The following OAS1 variants were observed in gnomAD, a reference collection of about 807,000 sequenced individuals.
The protein encoded by OAS1 is 2'-5'-oligoadenylate synthase 1.
Under a neutral mutation model 38.5 loss-of-function variants are expected in OAS1, and 24 were observed. The observed-to-expected ratio is 0.62, with a 90% CI of 0.45 to 0.88. OAS1 has a LOEUF of 0.88. Among genes scored for constraint, OAS1 ranks in the 40% least tolerant of loss-of-function variants. The pLI is 0.00. For synonymous variants in OAS1, 169 were observed against 193.9 expected, an observed-to-expected ratio of 0.87 and a Z score of 1.07; for missense variants, 482 against 493.9, an observed-to-expected ratio of 0.98 and a Z score of 0.23.
At chr12:112,917,988 C>T in intron 5 of OAS1, 1 of 1,289,060 alleles carries the variant, frequency 7.8e-7, no homozygotes, top group South Asian at 1.6e-5. Flanking sequence ...CTGTCCTAAG[C>T]CCTTTAATAT....
chr12:112,918,768 C>T, intron 5 of OAS1: 1 of 374,624 alleles, frequency 2.7e-6, no homozygotes, highest in Non-Finnish European at 5.5e-6. Context: ...AGACTCTGAG[C>T]AGCTGAGTGA....
chr12:112,918,787 G>A (rs1192751313), intron 5 of OAS1: 1 of 345,156 alleles, frequency 2.9e-6, no homozygotes, highest in Non-Finnish European at 5.9e-6. Flanking sequence ...GACTTGGGTT[G>A]TCACACAGCT....
At chr12:112,910,157 C>T (rs1347560160) in intron 2 of OAS1, among the ~76,000 whole-genome samples, 1 of 152,100 alleles carries the variant, frequency 6.6e-6, no homozygotes, top group Non-Finnish European at 1.5e-5. Context: ...CACTTGAAGT[C>T]AGGAATTCAA....
At chr12:112,911,307 A>T in intron 3 of OAS1, 72 bp downstream of exon 3, 1 of 1,255,554 alleles carries the variant, frequency 8.0e-7, no homozygotes, top group Non-Finnish European at 1.1e-6. Context: ...GGGAGGAGAG[A>T]AAGAAGGGAG....
chr12:112,919,803 G>A lies in OAS1; in HGVS notation c.*250G>A. ...CCCTGAGAGAGAACAGAGAGATTTA[G>A]ATAAGAGAATGAAATTCCAGCCTTG... On this transcript the variant is annotated 3_prime_UTR_variant, in exon 6 of 6. Coordinates refer to ENST00000202917, the MANE Select transcript of OAS1 (RefSeq NM_016816.4). 1 of 1,387,706 alleles carries A rather than the reference G, an allele frequency of 7.2e-7. No individual in the cohort carries two copies. Among genetic ancestry groups the A allele is most frequent in the Non-Finnish European group, 9.5e-7 (1 of 1,049,374 alleles). 86.0% of individuals were successfully genotyped at this position (1,387,706 alleles called of 1,614,324 possible). A position where few individuals can be genotyped will look rare whatever the true frequency, so the allele number is the denominator to read the frequency against.
intron 3 of OAS1, 53 bp downstream of exon 3, chr12:112,911,288 A>C: frequency 7.1e-6 from 5 of 706,736 alleles, no homozygotes; most frequent in Admixed American, 3.3e-5. Context: ...GGAGCAGAGG[A>C]GGGGTGGGGG....
intron 4 of OAS1, among the ~76,000 whole-genome samples, 177 bp from the exon 5 acceptor site, chr12:112,917,367 TCTC>T (rs945486309): frequency 6.6e-6 from 1 of 152,140 alleles, no homozygotes; most frequent in African/African-American, 2.4e-5. Flanking sequence ...CAAGGCTCCT[TCTC>T]CTCATGCTCA....
At chr12:112,911,293 TG>T in intron 3 of OAS1, 58 bp downstream of exon 3, 1 of 990,154 alleles carries the variant, frequency 1.0e-6, no homozygotes. Flanking sequence ...AGAGGAGGGG[TG>T]GGGGGAGGAG....
chr12:112,921,889 G>C (rs2043531647), downstream of OAS1, among the ~76,000 whole-genome samples: 7 of 152,146 alleles, frequency 4.6e-5, no homozygotes, highest in South Asian at 1.5e-3. Flanking sequence ...TTAACCCTCA[G>C]GCCAATGTCG....
At chr12:112,909,013 G>A (rs2136297164) in intron 2 of OAS1, 189 bp downstream of exon 2, 2 of 531,666 alleles carry the variant, frequency 3.8e-6, no homozygotes, top group South Asian at 4.6e-5. Flanking sequence ...CAGCAAATTG[G>A]CATAATGTGG....
At position 112,908,626 on chromosome 12, in the gene OAS1, C is replaced by G. The variant is rs150636851; in HGVS notation, c.271C>G (p.Gln91Glu). 934 of 1,614,196 alleles carry G rather than the reference C, an allele frequency of 5.8e-4. 8 individuals are homozygous for G. The African/African-American group carries it at 0.011, about 19-fold the overall frequency. Residue 91 changes from glutamine (Q) to glutamate (E), a missense_variant, in exon 2 of 6, where the codon CAG becomes GAG. Physicochemically the swap from Gln to Glu is conservative, Grantham distance 29. Transcript: ENST00000202917. ...FLSPLTTFQD[Q>E]LNRRGEFIQE... is the part of the protein sequence containing the mutation. Reference sequence around the variant, plus strand: ...CAGTCCTCTCACCACTTTTCAGGATCAGTTAAATCGCCGGGGAGAGTTCAT... The same window carrying G: ...CAGTCCTCTCACCACTTTTCAGGATGAGTTAAATCGCCGGGGAGAGTTCAT...
intron 4 of OAS1, 78 bp from the exon 5 acceptor site, chr12:112,917,469 T>C (rs2136320626): frequency 6.3e-7 from 1 of 1,579,192 alleles, no homozygotes; most frequent in Non-Finnish European, 8.6e-7. Flanking sequence ...GCTGCTATTT[T>C]GCTCTCCCAG....
In OAS1 at chr12:112,911,095, A is replaced by G; in HGVS notation, c.514A>G (p.Lys172Glu). The change falls in exon 3 of 6, where the codon AAG (lysine) becomes GAG (glutamate). Residue 172 changes from lysine (K) to glutamate (E), a missense_variant. Physicochemically the swap from Lys to Glu is moderately conservative, Grantham distance 56. Coordinates refer to ENST00000202917, the MANE Select transcript of OAS1 (RefSeq NM_016816.4). ...TAAACCTAACCCCCAAATCTATGTC[A>G]AGCTCATCGAGGAGTGCACCGACCT... is the stretch of plus-strand genomic sequence containing the variant. ...GYKPNPQIYVKLIEECTDLQK... is the reference protein window; with the variant it reads ...GYKPNPQIYVELIEECTDLQK... 1 of 1,614,004 alleles carries G rather than the reference A, an allele frequency of 6.2e-7. No homozygotes were observed. The highest frequency in any genetic ancestry group is 8.5e-7 in the Non-Finnish European group (1 of 1,179,968).
Position 112,907,024 on chromosome 12 carries a change from ACT to A in OAS1, c.-8_-7del. The A allele has an allele frequency of 6.2e-7, 1 of 1,613,790 alleles. No individual in the cohort carries two copies. Among genetic ancestry groups the A allele is most frequent in the Non-Finnish European group, 8.5e-7 (1 of 1,179,772 alleles). On this transcript the variant is annotated 5_prime_UTR_variant, in exon 1 of 6. Transcript: ENST00000202917. Reference sequence around the variant, plus strand: ...AGGTCTGGGAGGCAGTTCTGTTGCCACTCTCTCTCCTGTCAATGATGGATCTC... The same window carrying A: ...AGGTCTGGGAGGCAGTTCTGTTGCCACTCTCTCCTGTCAATGATGGATCTC...
rs113939885 is a variant in OAS1, at chr12:112,914,270, C to T, written c.655-2239C>T. On this transcript the variant is annotated intron_variant, in intron 3 of 5. Coordinates refer to ENST00000202917, the MANE Select transcript of OAS1 (RefSeq NM_016816.4). ...TTGCTGTGAATGCCATTATTTTGTT[C>T]CTTTTTATGGTTGAGTAGTATTCCA... Among the ~76,000 whole-genome samples, 1,468 of 152,150 alleles carry T rather than the reference C, an allele frequency of 9.6e-3. 28 individuals carry two copies. Among genetic ancestry groups the T allele is most frequent in the African/African-American group, 0.034 (1,400 of 41,482 alleles).
intron 6 of OAS1, among the ~76,000 whole-genome samples, chr12:112,929,492 TTC>T (rs1321459784): frequency 6.6e-6 from 1 of 152,228 alleles, no homozygotes; most frequent in Non-Finnish European, 1.5e-5. Context: ...TTGTTGCATA[TTC>T]TGTTTGGTTC....
At position 112,917,569 on chromosome 12, in the gene OAS1, G is replaced by C. The variant is rs746031446; in HGVS notation, c.907G>C (p.Asp303His). Residue 303 changes from aspartate to histidine, a missense_variant, in exon 5 of 6, where the codon GAC (aspartate) becomes CAC (histidine). By Grantham distance (81) the Asp-to-His change is moderately conservative. Transcript: ENST00000202917. ...KPRPVILDPA[D>H]PTGNLGGGDP... ...CAGGCCTGTGATCCTGGACCCGGCGGACCCTACAGGAAACTTGGGTGGTGG... is the reference window on the plus strand; with the variant it reads ...CAGGCCTGTGATCCTGGACCCGGCGCACCCTACAGGAAACTTGGGTGGTGG... 1.9e-5 allele frequency: 30 copies of C among 1,614,056 alleles called. No homozygotes were observed. Among genetic ancestry groups the C allele is most frequent in the Non-Finnish European group, 2.5e-5 (29 of 1,180,042 alleles).
exon 7 of OAS1, chr12:112,932,141 T>G: frequency 2.0e-6 from 1 of 492,214 alleles, no homozygotes; most frequent in South Asian, 3.3e-5. Flanking sequence ...ACTCCCTCCC[T>G]CTCTTCCTCC....
In OAS1 at chr12:112,911,215, GT is replaced by G. The variant is rs1368265391; in HGVS notation, c.635del (p.Val212AlafsTer24). On this transcript the variant is annotated frameshift_variant, in exon 3 of 6. Transcript: ENST00000202917. LOFTEE classifies it high-confidence loss of function. ...CAAGCTCAAGAGCCTCATCCGCCTA[GT>G]CAAGCACTGGTACCAAAATGTATGG... ...PTKLKSLIRL[V>X]KHWYQNCKKK... 1 of 1,612,186 alleles carries G rather than the reference GT, an allele frequency of 6.2e-7. No homozygotes were observed. Among genetic ancestry groups the G allele is most frequent in the East Asian group, 2.2e-5 (1 of 44,782 alleles).
Sources: gnomAD v4.1 joint callset for allele counts (sites outside exome capture counted in the v4.1 genomes callset) on GRCh38, gnomAD v4.1.1 for gene constraint, MANE v1.5 for transcripts, NCBI Gene and HGNC (gene_info 2026-07-23, HGNC 2026-07-21) for gene names.